The following EXTL3 variants were observed in gnomAD, a reference collection of about 807,000 sequenced individuals.
EXTL3 encodes the protein exostosin-like 3.
Under a neutral mutation model 69.3 loss-of-function variants are expected in EXTL3, and 27 were observed. The observed-to-expected ratio is 0.39, with a 90% CI of 0.29 to 0.54. EXTL3 has a LOEUF of 0.54. Ranked by LOEUF, EXTL3 falls within the 20% of genes least tolerant of loss-of-function variation. EXTL3 has a pLI of 0.69. For missense variants in EXTL3, 1,003 were observed against 1,231.8 expected, an observed-to-expected ratio of 0.81 and a Z score of 2.78; for synonymous variants, 511 against 499.4, an observed-to-expected ratio of 1.02 and a Z score of -0.31.
intron 1 of EXTL3, among the ~76,000 whole-genome samples, chr8:28,638,023 T>C (rs544273364): frequency 3.9e-5 from 6 of 152,356 alleles, no homozygotes; most frequent in Admixed American, 2.6e-4. Context: ...CACGTGTCTT[T>C]GAGAAATTCT....
At chr8:28,608,633 C>G (rs1347321107) in intron 2 of EXTL3, among the ~76,000 whole-genome samples, 1 of 151,798 alleles carries the variant, frequency 6.6e-6, no homozygotes, top group Non-Finnish European at 1.5e-5. Context: ...GAGGCCGAAG[C>G]GGGGGGATCA....
chr8:28,716,072 A>G lies in EXTL3; in HGVS notation c.13A>G (p.Thr5Ala). 3.1e-6 allele frequency: 5 copies of G among 1,608,112 alleles called. No individual in the cohort carries two copies. The highest frequency in any genetic ancestry group is 3.4e-6 in the Non-Finnish European group (4 of 1,179,842). ...CTGCAGAGGACTCATGACAGGCTAT[A>G]CCATGCTGCGGAATGGGGGCGCGGG... MTGYTMLRNGGAGNG... is the reference protein window; with the variant it reads MTGYAMLRNGGAGNG... The change falls in exon 3 of 7, where the codon ACC becomes GCC. Residue 5 changes from threonine (T) to alanine (A), a missense_variant. Physicochemically the swap from Thr to Ala is moderately conservative, Grantham distance 58. Coordinates refer to ENST00000220562, the MANE Select transcript of EXTL3 (RefSeq NM_001440.4). This position sits in a 1 kb window ranked among gnomAD's most constrained non-coding sequence, Gnocchi z 7.1.
At chr8:28,650,605 C>T (rs2130602166) in intron 1 of EXTL3, among the ~76,000 whole-genome samples, 2 of 152,282 alleles carry the variant, frequency 1.3e-5, no homozygotes, top group Middle Eastern at 6.8e-3. Context: ...GATCTGCTCA[C>T]CTCAGCCTCC....
chr8:28,711,646 G>C (rs1801033691), intron 1 of EXTL3, among the ~76,000 whole-genome samples: 1 of 152,168 alleles, frequency 6.6e-6, no homozygotes, highest in South Asian at 2.1e-4. Flanking sequence ...TGGCCATCCA[G>C]CTGCCTCCTG....
intron 1 of EXTL3, among the ~76,000 whole-genome samples, chr8:28,667,389 T>C (rs1429439333): frequency 2.0e-5 from 3 of 152,160 alleles, no homozygotes; most frequent in Non-Finnish European, 4.4e-5. Context: ...TGACTCAAGT[T>C]TGGTCAAGGA....
chr8:28,733,649 C>A (rs1165541626), intron 4 of EXTL3, among the ~76,000 whole-genome samples: 1 of 150,238 alleles, frequency 6.7e-6, no homozygotes, highest in Non-Finnish European at 1.5e-5. Context: ...CTCCCAAGTG[C>A]TGGGATTACA....
intron 1 of EXTL3, among the ~76,000 whole-genome samples, chr8:28,691,178 C>T (rs1800608649): frequency 6.6e-6 from 1 of 152,172 alleles, no homozygotes; most frequent in Non-Finnish European, 1.5e-5. Flanking sequence ...CCGTTGACCA[C>T]CACCATGGTC....
intron 4 of EXTL3, among the ~76,000 whole-genome samples, chr8:28,735,163 A>G (rs2130779706): frequency 6.6e-6 from 1 of 152,176 alleles, no homozygotes. Context: ...AAAGCCATGC[A>G]GTAACTCCAG....
rs1006682668 is a variant in EXTL3, at chr8:28,623,107, A to G, written c.-53+297A>G. On this transcript the variant is annotated intron_variant, in intron 1 of 6. Transcript: ENST00000523149. This position sits in a 1 kb window ranked among gnomAD's most constrained non-coding sequence, Gnocchi z 4.2. ...CCGGGGTGGGCTGGGCTGGGTTTCTACAGAGGCGGGAATTTGTGAGAACTG... is the reference window on the plus strand; with the variant it reads ...CCGGGGTGGGCTGGGCTGGGTTTCTGCAGAGGCGGGAATTTGTGAGAACTG... Among the ~76,000 whole-genome samples, 1 of 151,974 alleles carries G rather than the reference A, an allele frequency of 6.6e-6. No homozygotes were observed. Among genetic ancestry groups the G allele is most frequent in the African/African-American group, 2.4e-5 (1 of 41,372 alleles).
chr8:28,668,362 C>T (rs1432759887), intron 1 of EXTL3, among the ~76,000 whole-genome samples: 34 of 112,690 alleles, frequency 3.0e-4, no homozygotes, highest in Admixed American at 5.8e-4. Context: ...GACAGAGTCT[C>T]ACTCTGTCAC....
At chr8:28,628,340 C>T (rs779507798) in intron 1 of EXTL3, among the ~76,000 whole-genome samples, 1 of 151,918 alleles carries the variant, frequency 6.6e-6, no homozygotes, top group Non-Finnish European at 1.5e-5. Context: ...CCAGCCTGGG[C>T]AACTGGGTGA....
intron 1 of EXTL3, among the ~76,000 whole-genome samples, chr8:28,633,399 T>C (rs1467160956): frequency 1.3e-5 from 2 of 151,916 alleles, no homozygotes; most frequent in African/African-American, 4.8e-5. Context: ...ACTCCTGTAA[T>C]CTCACTTTGG....
At chr8:28,690,126 T>C (rs556147881) in intron 1 of EXTL3, among the ~76,000 whole-genome samples, 1 of 152,332 alleles carries the variant, frequency 6.6e-6, no homozygotes, top group African/African-American at 2.4e-5. Flanking sequence ...TACCTCAAAC[T>C]TGATGGTTGA....
At chr8:28,663,317 C>A (rs1807145279) in intron 1 of EXTL3, among the ~76,000 whole-genome samples, 1 of 152,144 alleles carries the variant, frequency 6.6e-6, no homozygotes, top group Non-Finnish European at 1.5e-5. Flanking sequence ...GAAAGTAAGA[C>A]CCTGCCCCTC....
chr8:28,739,621 G>A (rs1472477667), intron 5 of EXTL3, among the ~76,000 whole-genome samples: 3 of 152,180 alleles, frequency 2.0e-5, no homozygotes, highest in South Asian at 2.1e-4. Flanking sequence ...GTGAGGAACC[G>A]TGCCTGACAT....
At chr8:28,724,273 T>G (rs1478810593) in intron 3 of EXTL3, among the ~76,000 whole-genome samples, 1 of 152,214 alleles carries the variant, frequency 6.6e-6, no homozygotes. Context: ...ACTGGGATCA[T>G]TGGCAACTTT....
chr8:28,722,417 A>G (rs986382827), intron 3 of EXTL3, among the ~76,000 whole-genome samples: 1 of 152,192 alleles, frequency 6.6e-6, no homozygotes, highest in Non-Finnish European at 1.5e-5. Flanking sequence ...CATAGCACAC[A>G]TCCTTGCAGA....
chr8:28,614,282 T>TC (rs1646776728), intron 2 of EXTL3, among the ~76,000 whole-genome samples: 1 of 145,106 alleles, frequency 6.9e-6, no homozygotes, highest in Non-Finnish European at 1.5e-5. Context: ...CTTTTTTTTT[T>TC]TTTTTTTTTT....
chr8:28,675,810 TCAGGAGTTCGAGAC>T (rs1807372119), intron 1 of EXTL3, among the ~76,000 whole-genome samples: 1 of 151,914 alleles, frequency 6.6e-6, no homozygotes, highest in Non-Finnish European at 1.5e-5. Context: ...TCACTTGAGG[TCAGGAGTTCGAGAC>T]CAGCCTGACC....
Sources: allele counts gnomAD v4.1 joint callset (sites outside exome capture counted in the v4.1 genomes callset), GRCh38; gene constraint gnomAD v4.1.1; non-coding constraint Gnocchi (gnomAD v3.1); transcripts MANE v1.5; gene names NCBI Gene and HGNC (gene_info 2026-07-23, HGNC 2026-07-21).